The following SRPK2 variants were observed in gnomAD, a reference collection of about 807,000 sequenced individuals.
SRPK2 encodes SFRS protein kinase 2.
In SRPK2, 21 loss-of-function variants were observed where a neutral mutation model predicts 90.8. The observed-to-expected ratio is 0.23, with a 90% confidence interval of 0.16 to 0.33. The LOEUF is 0.33. Among genes scored for constraint, SRPK2 ranks in the 10% least tolerant of loss-of-function variants. SRPK2 has a pLI of 1.00. For synonymous variants in SRPK2, 288 were observed against 311.1 expected (o/e 0.93, Z 0.78); for missense variants, 620 against 869.0 (o/e 0.71, Z 3.60).
At chr7:105,137,769 C>CCAG (rs1420737928) in intron 11 of SRPK2, among the ~76,000 whole-genome samples, 1 of 152,174 alleles carries the variant, frequency 6.6e-6, no homozygotes, top group Non-Finnish European at 1.5e-5. Context: ...CAAACTGGCC[C>CCAG]CAGTCTTTCT....
At chr7:105,273,709 A>G (rs1361594900) in intron 2 of SRPK2, among the ~76,000 whole-genome samples, 1 of 152,120 alleles carries the variant, frequency 6.6e-6, no homozygotes, top group Non-Finnish European at 1.5e-5. Flanking sequence ...TAAAATATAT[A>G]AATTACTTGT....
At chr7:105,335,043 T>C (rs1814927753) in intron 2 of SRPK2, among the ~76,000 whole-genome samples, 1 of 151,808 alleles carries the variant, frequency 6.6e-6, no homozygotes, top group South Asian at 2.1e-4. Context: ...TGGTGGCACA[T>C]GCCTGTAATC....
intron 2 of SRPK2, among the ~76,000 whole-genome samples, chr7:105,255,643 A>G (rs1803166635): frequency 6.6e-6 from 1 of 152,262 alleles, no homozygotes; most frequent in South Asian, 2.1e-4. Flanking sequence ...TGAGAAACGC[A>G]CATCTAGGCC....
chr7:105,311,129 T>G (rs574174768), intron 2 of SRPK2, among the ~76,000 whole-genome samples: 1 of 151,998 alleles, frequency 6.6e-6, no homozygotes, highest in Non-Finnish European at 1.5e-5. Flanking sequence ...TGAAAAAAAA[T>G]ATCTGCACAT....
chr7:105,370,407 G>T (rs574385691), intron 2 of SRPK2, among the ~76,000 whole-genome samples: 3 of 152,142 alleles, frequency 2.0e-5, no homozygotes, highest in East Asian at 3.9e-4. Flanking sequence ...AATGACAGTT[G>T]TATGTTACAA....
chr7:105,173,170 G>T (rs1296723542), intron 3 of SRPK2, among the ~76,000 whole-genome samples: 1 of 152,050 alleles, frequency 6.6e-6, no homozygotes, highest in Non-Finnish European at 1.5e-5. Flanking sequence ...CTGGAGTGCA[G>T]TAGAGCAGCA....
intron 3 of SRPK2, among the ~76,000 whole-genome samples, chr7:105,201,266 C>A (rs1175574870): frequency 6.6e-6 from 1 of 152,126 alleles, no homozygotes; most frequent in Non-Finnish European, 1.5e-5. Flanking sequence ...GTAATGCTAA[C>A]TAAAGGTACA....
chr7:105,202,587 T>G (rs1795695629), intron 3 of SRPK2, among the ~76,000 whole-genome samples: 1 of 152,184 alleles, frequency 6.6e-6, no homozygotes, highest in African/African-American at 2.4e-5. Flanking sequence ...TTCTTAATAT[T>G]CATCACACAA....
chr7:105,326,244 C>G (rs1340669477), intron 2 of SRPK2, among the ~76,000 whole-genome samples: 2 of 152,232 alleles, frequency 1.3e-5, no homozygotes, highest in African/African-American at 2.4e-5. Context: ...TAGACTATTG[C>G]AACAGCATGC....
At position 105,201,412 on chromosome 7, in the gene SRPK2, G is replaced by A. The variant is rs183505573; in HGVS notation, c.229+2216C>T. The stretch of plus-strand genomic sequence containing the variant: ...GTGAATGTTACCTAGAAACAGCCCC[G>A]GCTGTGGAATACTTTATTCTTAGCC... On this transcript the variant is annotated intron_variant, in intron 3 of 15. Transcript: ENST00000393651. Among the ~76,000 whole-genome samples the A allele has an allele frequency of 7.2e-5, 11 of 152,174 alleles. No individual in the cohort carries two copies. In the East Asian group the frequency reaches 1.4e-3, roughly 19 times the overall value.
chr7:105,393,634 C>T (rs1017259268), upstream of SRPK2, among the ~76,000 whole-genome samples: 8 of 151,600 alleles, frequency 5.3e-5, no homozygotes, highest in Admixed American at 4.6e-4. Flanking sequence ...CCACCACATT[C>T]GGCCTTTTTA....
intron 2 of SRPK2, among the ~76,000 whole-genome samples, chr7:105,366,409 G>A (rs1334068230): frequency 1.4e-4 from 19 of 131,602 alleles, no homozygotes; most frequent in African/African-American, 3.7e-4. Flanking sequence ...TCACCCTGTC[G>A]CACAGGCTGG....
At chr7:105,287,506 G>A (rs894119088) in intron 2 of SRPK2, among the ~76,000 whole-genome samples, 1 of 152,138 alleles carries the variant, frequency 6.6e-6, no homozygotes, top group African/African-American at 2.4e-5. Context: ...GGAGGCTGAG[G>A]AGGGGAGATC....
Position 105,168,103 on chromosome 7 carries a change from A to C in SRPK2, c.339-8T>G. 1 of 1,596,666 alleles carries C rather than the reference A, an allele frequency of 6.3e-7. No homozygotes were observed. On this transcript the variant is annotated splice_region_variant and splice_polypyrimidine_tract_variant and intron_variant, in intron 4 of 15. Coordinates refer to ENST00000393651, the MANE Select transcript of SRPK2 (RefSeq NM_182692.3). ...GCAACAAATCTTTTCCCCCTAAAAG[A>C]AAAAACAAAAAAAGAGTCTATTTAT...
chr7:105,297,702 C>G (rs1168951150), intron 2 of SRPK2, among the ~76,000 whole-genome samples: 1 of 151,294 alleles, frequency 6.6e-6, no homozygotes, highest in Non-Finnish European at 1.5e-5. Context: ...ACATTAATTA[C>G]TTTTGTTTTA....
At chr7:105,380,935 C>T (rs950460457) in intron 2 of SRPK2, among the ~76,000 whole-genome samples, 11 of 125,194 alleles carry the variant, frequency 8.8e-5, no homozygotes, top group Non-Finnish European at 1.8e-4. Context: ...GACCATATTA[C>T]TTTTATTACT....
At chr7:105,214,799 C>T (rs1797254391) in intron 2 of SRPK2, among the ~76,000 whole-genome samples, 1 of 152,188 alleles carries the variant, frequency 6.6e-6, no homozygotes, top group African/African-American at 2.4e-5. Flanking sequence ...AACAAAATCC[C>T]TATCAAAATC....
chr7:105,122,022 C>G (rs778640006), intron 15 of SRPK2, among the ~76,000 whole-genome samples: 3 of 152,004 alleles, frequency 2.0e-5, no homozygotes, highest in Non-Finnish European at 2.9e-5. Flanking sequence ...GTAAACCTAC[C>G]AAGAAATACC....
chr7:105,385,485 C>T (rs1166885074), intron 2 of SRPK2, among the ~76,000 whole-genome samples: 5 of 152,088 alleles, frequency 3.3e-5, no homozygotes, highest in African/African-American at 4.8e-5. Flanking sequence ...CAGCAGCCCT[C>T]TTTTTAAACA....
Sources: allele counts gnomAD v4.1 joint callset (sites outside exome capture counted in the v4.1 genomes callset), GRCh38; gene constraint gnomAD v4.1.1; transcripts MANE v1.5; gene names NCBI Gene and HGNC (gene_info 2026-07-23, HGNC 2026-07-21).